ADGRL3: variants seen among roughly 807,000 people sequenced by gnomAD.
The protein encoded by ADGRL3 is adhesion G protein-coupled receptor L3.
In ADGRL3, 62 loss-of-function variants were observed where a neutral mutation model predicts 153.5. That is an observed-to-expected ratio of 0.40 (90% CI 0.33 to 0.50). ADGRL3 has a LOEUF of 0.50. Ranked by LOEUF, ADGRL3 falls within the 20% of genes least tolerant of loss-of-function variation. The probability of loss-of-function intolerance (pLI) is 0.47; values close to 1 mark genes in which losing one functional copy is unlikely to be tolerated. For synonymous variants in ADGRL3, 710 were observed against 672.5 expected (o/e 1.06, Z -0.86); for missense variants, 1,641 against 1,859.4 (o/e 0.88, Z 2.16).
chr4:61,844,575 A>AAAATAT lies in ADGRL3; in HGVS notation c.1480+30687_1480+30688insAATATA, dbSNP rs1554045137. 7.7e-4 allele frequency among the ~76,000 whole-genome samples: 14 copies of AAAATAT among 18,106 alleles called. 1 individual carries two copies. Among genetic ancestry groups the AAAATAT allele is most frequent in the Admixed American group, 2.8e-3 (2 of 714 alleles). 11.9% of individuals were successfully genotyped at this position (18,106 alleles called of 152,430 possible). A position where few individuals can be genotyped will look rare whatever the true frequency, so the allele number is the denominator to read the frequency against. On this transcript the variant is annotated intron_variant, in intron 9 of 26. Transcript: ENST00000683033. Reference sequence around the variant, plus strand: ...AAAAAAAAAAAAAAAAAAAAAAAAAAATATATATATATATATATATATTTA... The same window carrying AAAATAT: ...AAAAAAAAAAAAAAAAAAAAAAAAAAAAATATATATATATATATATATATATATTTA...
chr4:61,372,066 G>A (rs865911744), intron 1 of ADGRL3, among the ~76,000 whole-genome samples: 1 of 151,998 alleles, frequency 6.6e-6, no homozygotes, highest in African/African-American at 2.4e-5. Flanking sequence ...CTCGAGCCTT[G>A]GTTTTCAGCT....
intron 1 of ADGRL3, among the ~76,000 whole-genome samples, chr4:61,341,159 G>A (rs1472665190): frequency 6.6e-6 from 1 of 151,834 alleles, no homozygotes; most frequent in Non-Finnish European, 1.5e-5. Flanking sequence ...TAAGTTGTAT[G>A]TGGGGTTTTG....
intron 19 of ADGRL3, among the ~76,000 whole-genome samples, chr4:61,987,259 G>A (rs552161934): frequency 2.0e-5 from 3 of 151,804 alleles, no homozygotes; most frequent in South Asian, 4.2e-4. Flanking sequence ...CCTGCCACCC[G>A]GGTTCAAGCG....
intron 2 of ADGRL3, among the ~76,000 whole-genome samples, chr4:61,440,343 C>T (rs780179873): frequency 1.3e-5 from 2 of 152,124 alleles, no homozygotes; most frequent in South Asian, 2.1e-4. Flanking sequence ...CCACTGCACC[C>T]GGCCTATATT....
intron 9 of ADGRL3, among the ~76,000 whole-genome samples, chr4:61,834,102 C>G (rs902243204): frequency 7.5e-6 from 1 of 133,260 alleles, no homozygotes; most frequent in Non-Finnish European, 1.6e-5. Flanking sequence ...TATCCCTCCC[C>G]CCTCCCCCCT....
intron 1 of ADGRL3, among the ~76,000 whole-genome samples, chr4:61,366,231 T>C (rs899214891): frequency 1.3e-5 from 2 of 152,306 alleles, no homozygotes; most frequent in South Asian, 4.1e-4. Flanking sequence ...GCTGAAAAGG[T>C]TCTAGATTTC....
intron 2 of ADGRL3, among the ~76,000 whole-genome samples, chr4:61,448,789 A>G (rs1578916006): frequency 1.7e-5 from 1 of 59,524 alleles, no homozygotes; most frequent in Non-Finnish European, 3.9e-5. Context: ...GGAAGGAGGG[A>G]GGGTAGGAGG....
chr4:62,041,898 C>G (rs1728524724), intron 24 of ADGRL3, among the ~76,000 whole-genome samples: 1 of 151,992 alleles, frequency 6.6e-6, no homozygotes, highest in Admixed American at 6.6e-5. Context: ...ACCTCCTGCA[C>G]TCAGGAGCCA....
At chr4:61,765,910 G>A (rs1212993238) in intron 8 of ADGRL3, among the ~76,000 whole-genome samples, 2 of 152,140 alleles carry the variant, frequency 1.3e-5, no homozygotes, top group Non-Finnish European at 2.9e-5. Flanking sequence ...GGAACACTGA[G>A]AAGTTATTTC....
chr4:61,991,555 T>C (rs1383625872), intron 19 of ADGRL3, among the ~76,000 whole-genome samples: 3 of 152,046 alleles, frequency 2.0e-5, no homozygotes, highest in Admixed American at 2.0e-4. Context: ...AGAAGTAGTG[T>C]TTAATTCTAA....
At position 62,063,544 on chromosome 4, in the gene ADGRL3, G is replaced by A. The variant is rs1049755673; in HGVS notation, c.3815-4622G>A. 267 of 695,664 alleles carry A rather than the reference G, an allele frequency of 3.8e-4. No individual in the cohort carries two copies. The Admixed American group carries it at 4.8e-3, about 12-fold the overall frequency. 43.1% of individuals were successfully genotyped at this position (695,664 alleles called of 1,614,324 possible). A position where few individuals can be genotyped will look rare whatever the true frequency, so the allele number is the denominator to read the frequency against. On this transcript the variant is annotated intron_variant, in intron 25 of 26. Transcript: ENST00000683033. ...CATCTTATAAGCAATGCTCTGCTTCGTCCGCATGGTACTAACAATCCCTAT... is the reference window on the plus strand; with the variant it reads ...CATCTTATAAGCAATGCTCTGCTTCATCCGCATGGTACTAACAATCCCTAT...
At position 61,352,927 on chromosome 4, in the gene ADGRL3, T is replaced by C. The variant is rs76516743; in HGVS notation, c.-239-30197T>C. Among the ~76,000 whole-genome samples the C allele has an allele frequency of 2.3e-3, 352 of 152,256 alleles. 2 individuals carry two copies. Among genetic ancestry groups the C allele is most frequent in the Non-Finnish European group, 3.5e-3 (239 of 68,022 alleles). ...TAATGATTTGAGTGATAGATATGAA[T>C]TGAAAATATTCCAAGTGTGCTAGTA... On this transcript the variant is annotated intron_variant, in intron 1 of 26. Transcript: ENST00000683033.
intron 25 of ADGRL3, among the ~76,000 whole-genome samples, chr4:62,058,841 A>T (rs1738493874): frequency 6.6e-6 from 1 of 152,178 alleles, no homozygotes; most frequent in Non-Finnish European, 1.5e-5. Flanking sequence ...ATCCTGGAAG[A>T]CAGTATTAGA....
At chr4:61,886,560 A>G (rs2098540003) in intron 9 of ADGRL3, among the ~76,000 whole-genome samples, 1 of 151,946 alleles carries the variant, frequency 6.6e-6, no homozygotes, top group Non-Finnish European at 1.5e-5. Flanking sequence ...GAGAATAAAA[A>G]AGAAAATTAA....
chr4:61,968,384 C>T (rs2099014500), intron 17 of ADGRL3, among the ~76,000 whole-genome samples: 2 of 151,948 alleles, frequency 1.3e-5, no homozygotes, highest in Admixed American at 1.3e-4. Context: ...CTTTAGAGAA[C>T]ATTGAACAGT....
intron 8 of ADGRL3, among the ~76,000 whole-genome samples, chr4:61,751,351 T>C (rs540452443): frequency 1.3e-5 from 2 of 152,080 alleles, no homozygotes; most frequent in Non-Finnish European, 2.9e-5. Context: ...CATAATAAGT[T>C]ATTATTATTT....
intron 17 of ADGRL3, among the ~76,000 whole-genome samples, chr4:61,971,626 A>T (rs1188867832): frequency 6.6e-6 from 1 of 152,094 alleles, no homozygotes; most frequent in Non-Finnish European, 1.5e-5. Context: ...ATACATGTGC[A>T]TGTGTCTTTA....
At chr4:61,424,324 A>T (rs1214669313) in intron 2 of ADGRL3, among the ~76,000 whole-genome samples, 1 of 152,072 alleles carries the variant, frequency 6.6e-6, no homozygotes, top group Non-Finnish European at 1.5e-5. Flanking sequence ...TGACTGCCGC[A>T]CAGCCATTTT....
chr4:61,566,213 A>G (rs779601258), intron 4 of ADGRL3, among the ~76,000 whole-genome samples: 3 of 152,276 alleles, frequency 2.0e-5, no homozygotes, highest in East Asian at 3.9e-4. Context: ...CAGGGCTATG[A>G]AGACAAGATT....
Sources: allele counts gnomAD v4.1 joint callset (sites outside exome capture counted in the v4.1 genomes callset), GRCh38; gene constraint gnomAD v4.1.1; transcripts MANE v1.5; gene names NCBI Gene and HGNC (gene_info 2026-07-23, HGNC 2026-07-21).